The following CDKL1 variants were observed in gnomAD, a reference collection of about 807,000 sequenced individuals.
CDKL1 encodes cyclin-dependent kinase-like 1.
CDKL1 carries 41 observed loss-of-function variants against 42.0 expected under a neutral mutation model. That is an observed-to-expected ratio of 0.98 (90% CI 0.76 to 1.27). The LOEUF is 1.27. Ranked by LOEUF, CDKL1 falls within the 50% of genes most tolerant of loss-of-function variation. The pLI is 0.00. For missense variants in CDKL1, 394 were observed against 428.4 expected (o/e 0.92, Z 0.71); for synonymous variants, 153 against 158.6 (o/e 0.96, Z 0.26).
At chr14:50,349,394 T>G (rs114696602) in intron 3 of CDKL1, among the ~76,000 whole-genome samples, 121 of 152,282 alleles carry the variant, frequency 7.9e-4, no homozygotes, top group African/African-American at 2.8e-3. Flanking sequence ...AGGAAGCCCC[T>G]CATGGATGCA....
At chr14:50,380,698 C>A (rs2034878082) in intron 2 of CDKL1, among the ~76,000 whole-genome samples, 1 of 152,134 alleles carries the variant, frequency 6.6e-6, no homozygotes, top group Non-Finnish European at 1.5e-5. Flanking sequence ...CTCTGGCTGT[C>A]CAGTTAAGAT....
At chr14:50,332,903 C>A (rs1184612165) in intron 8 of CDKL1, 7 of 261,420 alleles carry the variant, frequency 2.7e-5, no homozygotes, top group Non-Finnish European at 4.1e-5. Context: ...AAATCAGCTA[C>A]TTTTTTTTTT....
At chr14:50,397,155 G>A, upstream of CDKL1, 1 of 1,366,370 alleles carries the variant, frequency 7.3e-7, no homozygotes, top group Non-Finnish European at 9.8e-7. Flanking sequence ...TGCGGAGCAA[G>A]ACGCCTGCGC....
intron 3 of CDKL1, chr14:50,358,156 T>G: frequency 7.5e-7 from 1 of 1,324,530 alleles, no homozygotes; most frequent in Non-Finnish European, 1.0e-6. Context: ...TAGAGAGAGC[T>G]GTGTGGTAAG....
chr14:50,349,635 T>C (rs181080005), intron 3 of CDKL1, among the ~76,000 whole-genome samples: 25 of 152,310 alleles, frequency 1.6e-4, no homozygotes, highest in Middle Eastern at 6.8e-3. Flanking sequence ...TAAATAAATA[T>C]GAATATATTC....
intron 2 of CDKL1, among the ~76,000 whole-genome samples, chr14:50,394,593 T>G: frequency 6.6e-6 from 1 of 152,216 alleles, no homozygotes; most frequent in East Asian, 1.9e-4. Context: ...TTCATCTGTC[T>G]CTCATCAAGT....
chr14:50,374,884 C>A (rs1315576207), intron 2 of CDKL1, among the ~76,000 whole-genome samples: 1 of 152,024 alleles, frequency 6.6e-6, no homozygotes, highest in Non-Finnish European at 1.5e-5. Flanking sequence ...TCAACTTGAA[C>A]AATGAGAACA....
At chr14:50,348,515 C>T (rs2033800427) in intron 3 of CDKL1, among the ~76,000 whole-genome samples, 1 of 152,174 alleles carries the variant, frequency 6.6e-6, no homozygotes, top group Non-Finnish European at 1.5e-5. Flanking sequence ...TGGGATTCCC[C>T]ACCCCTCTTC....
chr14:50,355,886 T>C (rs2034040320), intron 3 of CDKL1, among the ~76,000 whole-genome samples: 2 of 152,184 alleles, frequency 1.3e-5, no homozygotes, highest in Admixed American at 6.5e-5. Flanking sequence ...GGATGGGTCA[T>C]GTATTATGGG....
chr14:50,350,543 C>T (rs182736562), intron 3 of CDKL1, among the ~76,000 whole-genome samples: 9 of 152,264 alleles, frequency 5.9e-5, no homozygotes, highest in African/African-American at 1.4e-4. Context: ...GAACTTTAGA[C>T]GAGCCATATA....
chr14:50,342,775 C>T, intron 4 of CDKL1: 1 of 819,778 alleles, frequency 1.2e-6, no homozygotes, highest in Non-Finnish European at 1.6e-6. Flanking sequence ...GCCTCGTAAA[C>T]AGGACAAGCC....
intron 2 of CDKL1, among the ~76,000 whole-genome samples, chr14:50,363,490 T>G (rs557423095): frequency 6.6e-6 from 1 of 152,330 alleles, no homozygotes; most frequent in South Asian, 2.1e-4. Flanking sequence ...AACTTTATGA[T>G]AGAATTCGCA....
chr14:50,352,682 A>G (rs2033938314), intron 3 of CDKL1, among the ~76,000 whole-genome samples: 1 of 152,226 alleles, frequency 6.6e-6, no homozygotes, highest in African/African-American at 2.4e-5. Flanking sequence ...CTCATCACAG[A>G]ACACAGAGAA....
Position 50,378,522 on chromosome 14 carries a change from C to A in CDKL1, c.168+17179G>T, listed in dbSNP as rs1433839014. The A allele has an allele frequency of 2.9e-6, 3 of 1,044,142 alleles. No individual in the cohort carries two copies. The African/African-American group carries it at 5.0e-5, about 18-fold the overall frequency. The allele number at this position is 1,044,142 out of a possible 1,614,324, so 64.7% of individuals were successfully genotyped here. On this transcript the variant is annotated intron_variant, in intron 2 of 9. Transcript: ENST00000395834. Reference sequence around the variant, plus strand: ...TTGACAAGGACACCTGCAGACAGTTCTTTTTTAAATTTTACTTTTATTTTT... The same window carrying A: ...TTGACAAGGACACCTGCAGACAGTTATTTTTTAAATTTTACTTTTATTTTT...
intron 7 of CDKL1, among the ~76,000 whole-genome samples, chr14:50,338,451 C>T (rs2033388971): frequency 6.6e-6 from 1 of 152,142 alleles, no homozygotes; most frequent in South Asian, 2.1e-4. Context: ...TGGTCTGGAA[C>T]TCCTGACCTC....
chr14:50,335,939 G>A, intron 7 of CDKL1: 1 of 1,325,012 alleles, frequency 7.5e-7, no homozygotes, highest in Non-Finnish European at 1.0e-6. Flanking sequence ...AAATCCTAAA[G>A]TAGGTTTGTA....
rs868859497 is a variant in CDKL1 at position 50,363,639 on chromosome 14, A to G, written c.169-4490T>C. On this transcript the variant is annotated intron_variant, in intron 2 of 9. Transcript: ENST00000395834. ...TTAGAATTCTCTTTCCATTTTCCACATTCCATATTTAGTCCTCATGTCTCC... is the reference window on the plus strand; with the variant it reads ...TTAGAATTCTCTTTCCATTTTCCACGTTCCATATTTAGTCCTCATGTCTCC... Among the ~76,000 whole-genome samples, 7 of 152,272 alleles carry G rather than the reference A, an allele frequency of 4.6e-5. No individual in the cohort carries two copies. The East Asian group carries it at 9.6e-4, about 21-fold the overall frequency.
intron 8 of CDKL1, chr14:50,333,820 T>C (rs1035993405): frequency 6.6e-6 from 1 of 151,878 alleles, no homozygotes; most frequent in African/African-American, 2.4e-5. Context: ...ATGTGGGACA[T>C]TGACTGTAAC....
chr14:50,361,964 C>A (rs1382848788), intron 2 of CDKL1, among the ~76,000 whole-genome samples: 1 of 152,232 alleles, frequency 6.6e-6, no homozygotes, highest in Non-Finnish European at 1.5e-5. Flanking sequence ...GGGAGAGGCG[C>A]AGGCGGGAAC....
Sources: allele counts gnomAD v4.1 joint callset (sites outside exome capture counted in the v4.1 genomes callset), GRCh38; gene constraint gnomAD v4.1.1; transcripts MANE v1.5; gene names NCBI Gene and HGNC (gene_info 2026-07-23, HGNC 2026-07-21).